The following LEF1 variants were observed in gnomAD, a reference collection of about 807,000 sequenced individuals.
LEF1 encodes lymphoid enhancer-binding factor 1.
In LEF1, 14 loss-of-function variants were observed where a neutral mutation model predicts 51.2. The observed-to-expected ratio is 0.27, with a 90% CI of 0.18 to 0.43. LEF1 has a LOEUF of 0.43. Ranked by LOEUF, LEF1 falls within the 20% of genes least tolerant of loss-of-function variation. The probability of loss-of-function intolerance (pLI) is 1.00; values close to 1 mark genes in which losing one functional copy is unlikely to be tolerated. For synonymous variants in LEF1, 185 were observed against 183.2 expected (o/e 1.01, Z -0.08); for missense variants, 386 against 512.0 (o/e 0.75, Z 2.37).
intron 3 of LEF1, among the ~76,000 whole-genome samples, chr4:108,095,158 G>A (rs1740299916): frequency 1.3e-5 from 2 of 152,006 alleles, no homozygotes; most frequent in South Asian, 4.2e-4. Flanking sequence ...AGATTCAAAC[G>A]GTCCATGAGC....
intron 8 of LEF1, among the ~76,000 whole-genome samples, chr4:108,073,185 G>A (rs943135507): frequency 1.3e-5 from 2 of 152,152 alleles, no homozygotes; most frequent in African/African-American, 2.4e-5. Context: ...CAGTGGTTCA[G>A]GACCAGCCTG....
chr4:108,163,127 T>C (rs1745163757), intron 3 of LEF1, among the ~76,000 whole-genome samples: 1 of 152,146 alleles, frequency 6.6e-6, no homozygotes, highest in Non-Finnish European at 1.5e-5. Flanking sequence ...CAAGACACCA[T>C]TTGAAAAGCC....
chr4:108,084,769 G>T (rs1432991465), intron 4 of LEF1, among the ~76,000 whole-genome samples: 1 of 151,992 alleles, frequency 6.6e-6, no homozygotes, highest in Non-Finnish European at 1.5e-5. Context: ...GACTCTTTTG[G>T]TTACAGCAGA....
At chr4:108,138,811 C>T (rs1039728323) in intron 3 of LEF1, among the ~76,000 whole-genome samples, 5 of 152,204 alleles carry the variant, frequency 3.3e-5, no homozygotes, top group Non-Finnish European at 5.9e-5. Flanking sequence ...GGGGACAGAA[C>T]GGAGCTTGCT....
At chr4:108,104,101 T>C (rs958249019) in intron 3 of LEF1, among the ~76,000 whole-genome samples, 1 of 152,190 alleles carries the variant, frequency 6.6e-6, no homozygotes, top group African/African-American at 2.4e-5. Context: ...TGACATTCAA[T>C]GGATGAACTC....
At chr4:108,136,179 T>C (rs898202098) in intron 3 of LEF1, among the ~76,000 whole-genome samples, 4 of 152,226 alleles carry the variant, frequency 2.6e-5, no homozygotes, top group African/African-American at 7.2e-5. Flanking sequence ...AGAAGCATAG[T>C]TCATTTTTTC....
chr4:108,121,428 C>T (rs1158217002), intron 3 of LEF1, among the ~76,000 whole-genome samples: 1 of 152,196 alleles, frequency 6.6e-6, no homozygotes, highest in Non-Finnish European at 1.5e-5. Flanking sequence ...AATCTACCTA[C>T]TAAACCAATG....
intron 11 of LEF1, among the ~76,000 whole-genome samples, chr4:108,056,034 A>AGAGCAGT (rs1454294680): frequency 6.6e-6 from 1 of 152,216 alleles, no homozygotes; most frequent in Non-Finnish European, 1.5e-5. Context: ...CAACACTGTT[A>AGAGCAGT]GAGCAGTGAG....
intron 8 of LEF1, among the ~76,000 whole-genome samples, chr4:108,073,773 ATAAAC>A (rs1400026307): frequency 2.0e-5 from 3 of 152,090 alleles, no homozygotes; most frequent in Non-Finnish European, 2.9e-5. Flanking sequence ...CAAAGTAGGC[ATAAAC>A]TAAACTATTT....
intron 11 of LEF1, among the ~76,000 whole-genome samples, chr4:108,057,890 CCGAGACGGA>C (rs1342246453): frequency 1.3e-5 from 2 of 150,130 alleles, no homozygotes; most frequent in Non-Finnish European, 3.0e-5. Flanking sequence ...TTTTTTTTCC[CCGAGACGGA>C]GTCTCTCACT....
intron 11 of LEF1, among the ~76,000 whole-genome samples, chr4:108,060,395 C>G (rs1159120430): frequency 6.6e-6 from 1 of 152,140 alleles, no homozygotes; most frequent in African/African-American, 2.4e-5. Flanking sequence ...GAGAGACAGA[C>G]AGGGATCTCA....
chr4:108,143,885 A>G (rs972930349), intron 3 of LEF1, among the ~76,000 whole-genome samples: 16 of 152,166 alleles, frequency 1.1e-4, no homozygotes, highest in African/African-American at 3.6e-4. Flanking sequence ...AATTGCCATC[A>G]TTGAGAATGG....
intron 9 of LEF1, among the ~76,000 whole-genome samples, chr4:108,067,161 G>A (rs901135127): frequency 1.3e-5 from 2 of 152,244 alleles, no homozygotes; most frequent in East Asian, 1.9e-4. Context: ...CACTATGAAC[G>A]AAGCTGGGCT....
intron 9 of LEF1, among the ~76,000 whole-genome samples, chr4:108,067,688 C>A (rs577995262): frequency 6.6e-6 from 1 of 152,084 alleles, no homozygotes; most frequent in South Asian, 2.1e-4. Context: ...CACCACCATG[C>A]CCAGCTAATT....
At chr4:108,058,199 G>A (rs890103508) in intron 11 of LEF1, among the ~76,000 whole-genome samples, 1 of 152,010 alleles carries the variant, frequency 6.6e-6, no homozygotes, top group African/African-American at 2.4e-5. Flanking sequence ...AAAGTAGCCT[G>A]TTCCTTCTTT....
At chr4:108,072,051 T>TC (rs1316924032) in intron 8 of LEF1, 3 of 152,290 alleles carry the variant, frequency 2.0e-5, no homozygotes, top group African/African-American at 7.2e-5. Context: ...GCTCCTGCTC[T>TC]CCCCCAACTC....
intron 11 of LEF1, among the ~76,000 whole-genome samples, chr4:108,060,451 C>T (rs541162085): frequency 6.6e-6 from 1 of 152,224 alleles, no homozygotes; most frequent in East Asian, 1.9e-4. Flanking sequence ...AAACCAGAGG[C>T]TTTAGGTGAC....
Position 108,063,533 on chromosome 4 carries a change from A to C in LEF1, c.*6+90T>G, listed in dbSNP as rs566372622. The C allele has an allele frequency of 1.9e-4, 184 of 983,512 alleles. 1 individual carries two copies. The South Asian group carries it at 2.3e-3, about 13-fold the overall frequency. The allele number at this position is 983,512 out of a possible 1,614,324, so 60.9% of individuals were successfully genotyped here. A position where few individuals can be genotyped will look rare whatever the true frequency, so the allele number is the denominator to read the frequency against. On this transcript the variant is annotated intron_variant, in intron 11 of 11. Transcript: ENST00000265165. ...TCTCCTCTTTAAGGAGCAATGTCGAATGAACTCATTATGAGCAAGAAGATT... is the reference window on the plus strand; with the variant it reads ...TCTCCTCTTTAAGGAGCAATGTCGACTGAACTCATTATGAGCAAGAAGATT...
In LEF1 at chr4:108,168,055, T is replaced by C. The variant is rs1297589167; in HGVS notation, c.-288A>G. The stretch of plus-strand genomic sequence containing the variant: ...ACTGGGCGGCGAGGGCTGCGGTAGC[T>C]GGCGACTCCGGGGGCGTCTGCGCGG... On this transcript the variant is annotated 5_prime_UTR_variant, in exon 1 of 12. Transcript: ENST00000265165. This position sits in a 1 kb window ranked among gnomAD's most constrained non-coding sequence, Gnocchi z 4.6. The C allele has an allele frequency of 6.3e-6, 1 of 158,672 alleles. No individual in the cohort carries two copies. Among genetic ancestry groups the C allele is most frequent in the Non-Finnish European group, 1.4e-5 (1 of 72,534 alleles). The allele number at this position is 158,672 out of a possible 1,614,324, so 9.8% of individuals were successfully genotyped here. A position where few individuals can be genotyped will look rare whatever the true frequency, so the allele number is the denominator to read the frequency against.
Sources: allele counts gnomAD v4.1 joint callset (sites outside exome capture counted in the v4.1 genomes callset), GRCh38; gene constraint gnomAD v4.1.1; non-coding constraint Gnocchi (gnomAD v3.1); transcripts MANE v1.5; gene names NCBI Gene and HGNC (gene_info 2026-07-23, HGNC 2026-07-21).